Variants in GTF2H1 observed in about 807,000 individuals in gnomAD.
GTF2H1 encodes the protein general transcription factor IIH subunit 1.
A neutral mutation model predicts 71.2 loss-of-function variants in GTF2H1; 16 were observed. That is an observed-to-expected ratio of 0.22 (90% CI 0.15 to 0.34). The LOEUF is 0.34. Among genes scored for constraint, GTF2H1 ranks in the 10% least tolerant of loss-of-function variants. The pLI is 1.00. For missense variants in GTF2H1, 498 were observed against 648.2 expected (o/e 0.77, Z 2.52); for synonymous variants, 215 against 219.0 (o/e 0.98, Z 0.16).
chr11:18,334,979 C>T (rs890431997), intron 2 of GTF2H1, among the ~76,000 whole-genome samples: 4 of 151,794 alleles, frequency 2.6e-5, no homozygotes, highest in African/African-American at 7.3e-5. Context: ...TTAAAAAAAA[C>T]GGTATCCAAT....
At chr11:18,351,853 AT>A in intron 9 of GTF2H1, 27 bp from the exon 10 acceptor site, 1 of 1,164,642 alleles carries the variant, frequency 8.6e-7, no homozygotes, top group East Asian at 2.3e-5. Context: ...TTGTGACAAA[AT>A]AAAAAGTACT....
Position 18,338,071 on chromosome 11 carries a change from TA to T in GTF2H1, c.348-37del, listed in dbSNP as rs753502116. 5.6e-6 allele frequency: 8 copies of T among 1,437,008 alleles called. No homozygotes were observed. In the Admixed American group the frequency reaches 1.4e-4, roughly 26 times the overall value. 89.0% of individuals were successfully genotyped at this position (1,437,008 alleles called of 1,614,324 possible). A position where few individuals can be genotyped will look rare whatever the true frequency, so the allele number is the denominator to read the frequency against. On this transcript the variant is annotated intron_variant, in intron 3 of 14. Coordinates refer to ENST00000265963, the MANE Select transcript of GTF2H1 (RefSeq NM_005316.4). ...AATGTACCTACATGGTGTTTTATTC[TA>T]GAAGTTCAGTTATATTCAGTATATT...
At chr11:18,339,530 T>C (rs1565008886) in intron 4 of GTF2H1, 34 bp from the exon 5 acceptor site, 1 of 1,449,778 alleles carries the variant, frequency 6.9e-7, no homozygotes, top group South Asian at 1.2e-5. Flanking sequence ...TCCCTGATGC[T>C]CTAACGTGTA....
intron 14 of GTF2H1, among the ~76,000 whole-genome samples, chr11:18,365,472 A>G (rs747710893): frequency 3.3e-5 from 5 of 152,218 alleles, no homozygotes; most frequent in Non-Finnish European, 7.3e-5. Flanking sequence ...GATATAGTTC[A>G]GACCCCTCGT....
Position 18,338,265 on chromosome 11 carries a change from T to A in GTF2H1, c.504T>A (p.Ala168=). 2 of 1,607,522 alleles carry A rather than the reference T, an allele frequency of 1.2e-6. No individual in the cohort carries two copies. The highest frequency in any genetic ancestry group is 1.7e-6 in the Non-Finnish European group (2 of 1,173,990). ...ATAAGCAGGATGTTGGCATTTCTGC[T>A]GCATTTCTGGTATGTGAGCCTTCTA... ...SNHKQDVGIS[A]AFLADVRPQT... Residue 168 remains alanine (A), a synonymous_variant, in exon 4 of 15, where the codon GCT becomes GCA. Coordinates refer to ENST00000265963, the MANE Select transcript of GTF2H1 (RefSeq NM_005316.4).
intron 13 of GTF2H1, 42 bp from the exon 14 acceptor site, chr11:18,360,573 C>A: frequency 1.0e-6 from 1 of 957,278 alleles, no homozygotes; most frequent in Non-Finnish European, 1.6e-6. Flanking sequence ...GTCTCTACAG[C>A]TTGAGATTTC....
intron 1 of GTF2H1, among the ~76,000 whole-genome samples, chr11:18,325,364 C>T (rs970805115): frequency 6.6e-6 from 1 of 152,122 alleles, no homozygotes; most frequent in Non-Finnish European, 1.5e-5. Context: ...TAGTGGTTCC[C>T]GGAGTTTAGG....
chr11:18,365,799 A>C lies in GTF2H1; in HGVS notation c.1577A>C (p.Glu526Ala). The C allele has an allele frequency of 1.2e-6, 2 of 1,613,246 alleles. No individual in the cohort carries two copies. Among genetic ancestry groups the C allele is most frequent in the Non-Finnish European group, 1.7e-6 (2 of 1,179,220 alleles). ...GTTTTTCAGTTGGTAAGTCACATAGAAGAGATGCTCCAGACAGCCTACAAC... is the reference window on the plus strand; with the variant it reads ...GTTTTTCAGTTGGTAAGTCACATAGCAGAGATGCTCCAGACAGCCTACAAC... ...YLSTNLVSHI[E>A]EMLQTAYNKL... The change falls in exon 15 of 15, where the codon GAA (glutamate) becomes GCA (alanine). Residue 526 changes from glutamate to alanine, a missense_variant. Around this residue, in one of 3 missense-constraint regions of GTF2H1, gnomAD observed 266 missense variants for 301.6 expected, o/e 0.88. Coordinates refer to ENST00000265963, the MANE Select transcript of GTF2H1 (RefSeq NM_005316.4).
Position 18,366,168 on chromosome 11 carries a change from CTGTT to C in GTF2H1, c.*301_*304del. 3.4e-6 allele frequency: 1 copy of C among 291,540 alleles called. No individual in the cohort carries two copies. Among genetic ancestry groups the C allele is most frequent in the Non-Finnish European group, 6.3e-6 (1 of 158,544 alleles). The allele number at this position is 291,540 out of a possible 1,614,324, so 18.1% of individuals were successfully genotyped here. A position where few individuals can be genotyped will look rare whatever the true frequency, so the allele number is the denominator to read the frequency against. ...GTATGTACATATATATTTTAAAAGA[CTGTT>C]TACTGCAGTTGCTCAGGAACTGCTT... On this transcript the variant is annotated 3_prime_UTR_variant, in exon 15 of 15. Transcript: ENST00000265963.
chr11:18,331,556 C>T (rs1864898917), intron 1 of GTF2H1, among the ~76,000 whole-genome samples: 1 of 152,022 alleles, frequency 6.6e-6, no homozygotes, highest in South Asian at 2.1e-4. Flanking sequence ...ATCCCAGCTG[C>T]TCGGGAGGCT....
chr11:18,341,231 T>G, intron 5 of GTF2H1, 30 bp from the exon 6 acceptor site: 1 of 1,574,440 alleles, frequency 6.4e-7, no homozygotes, highest in South Asian at 1.1e-5. Context: ...GGAAATTCAG[T>G]ATATAATATT....
intron 1 of GTF2H1, among the ~76,000 whole-genome samples, chr11:18,323,167 A>G (rs1168806720): frequency 6.6e-6 from 1 of 152,188 alleles, no homozygotes; most frequent in Non-Finnish European, 1.5e-5. Flanking sequence ...GTGCCAGTCC[A>G]CACACTCCTA....
At chr11:18,339,054 C>G (rs1865097050) in intron 4 of GTF2H1, among the ~76,000 whole-genome samples, 1 of 152,096 alleles carries the variant, frequency 6.6e-6, no homozygotes, top group Non-Finnish European at 1.5e-5. Context: ...AATACCTTAT[C>G]TGTGGAATTA....
At chr11:18,339,145 G>T (rs770651264) in intron 4 of GTF2H1, among the ~76,000 whole-genome samples, 1 of 152,140 alleles carries the variant, frequency 6.6e-6, no homozygotes, top group Non-Finnish European at 1.5e-5. Context: ...AATACTATTT[G>T]TATGTTTGGT....
chr11:18,328,833 AAAAG>A (rs1025201849), intron 1 of GTF2H1, among the ~76,000 whole-genome samples: 1 of 152,202 alleles, frequency 6.6e-6, no homozygotes, highest in African/African-American at 2.4e-5. Flanking sequence ...CAAAAAAAAA[AAAAG>A]AATATGGAAT....
intron 11 of GTF2H1, among the ~76,000 whole-genome samples, chr11:18,353,716 T>A (rs1018804430): frequency 6.6e-6 from 1 of 152,222 alleles, no homozygotes; most frequent in African/African-American, 2.4e-5. Flanking sequence ...CATCAAGACT[T>A]ACTTTTTTAC....
rs560769955 is a variant in GTF2H1, at chr11:18,349,537, G to A, written c.1053+1618G>A. ...GTCTCTATTAAAAATACAGAAATTA[G>A]CCAGGCATGGTGACGTGCGCCTGTA... On this transcript the variant is annotated intron_variant, in intron 9 of 14. Coordinates refer to ENST00000265963, the MANE Select transcript of GTF2H1 (RefSeq NM_005316.4). 5.9e-5 allele frequency among the ~76,000 whole-genome samples: 9 copies of A among 152,210 alleles called. No homozygotes were observed. In the East Asian group the frequency reaches 1.5e-3, roughly 26 times the overall value.
intron 1 of GTF2H1, among the ~76,000 whole-genome samples, chr11:18,330,124 T>C (rs1247989732): frequency 6.6e-6 from 1 of 152,218 alleles, no homozygotes; most frequent in Non-Finnish European, 1.5e-5. Flanking sequence ...ACCTATGTAT[T>C]TGTTGGTTTG....
chr11:18,366,050 G>C lies in GTF2H1; in HGVS notation c.*181G>C. On this transcript the variant is annotated 3_prime_UTR_variant, in exon 15 of 15. Transcript: ENST00000265963. ...CACATTGGAGACTGAAAGGAAAGAA[G>C]GGACTAAATGCTGGGGAGGTAAATT... The C allele has an allele frequency of 6.8e-6, 4 of 587,152 alleles. No individual in the cohort carries two copies. The highest frequency in any genetic ancestry group is 1.2e-5 in the Non-Finnish European group (4 of 328,908). The allele number at this position is 587,152 out of a possible 1,614,324, so 36.4% of individuals were successfully genotyped here. A position where few individuals can be genotyped will look rare whatever the true frequency, so the allele number is the denominator to read the frequency against.
Sources: gnomAD v4.1 joint callset for allele counts (sites outside exome capture counted in the v4.1 genomes callset) on GRCh38, gnomAD v4.1.1 for gene constraint, gnomAD v4.1.1 regional missense constraint, MANE v1.5 for transcripts, NCBI Gene and HGNC (gene_info 2026-07-23, HGNC 2026-07-21) for gene names.